DOCK2: variants seen among roughly 807,000 people sequenced by gnomAD.
DOCK2 encodes dedicator of cytokinesis protein 2.
Under a neutral mutation model 248.9 loss-of-function variants are expected in DOCK2, and 87 were observed. That is an observed-to-expected ratio of 0.35 (90% CI 0.29 to 0.42). The LOEUF is 0.42. DOCK2 is among the 10% of genes least tolerant of loss of function. The probability of loss-of-function intolerance (pLI) is 1.00; values close to 1 mark genes in which losing one functional copy is unlikely to be tolerated. For synonymous variants in DOCK2, 805 were observed against 821.6 expected (o/e 0.98, Z 0.35); for missense variants, 1,747 against 2,300.2 (o/e 0.76, Z 4.92).
chr5:170,044,511 C>A (rs1756630767), intron 38 of DOCK2, among the ~76,000 whole-genome samples: 1 of 152,114 alleles, frequency 6.6e-6, no homozygotes, highest in African/African-American at 2.4e-5. Flanking sequence ...TTTCTTTTCC[C>A]TGTTCACATT....
At chr5:169,963,575 C>G (rs1777177082) in intron 27 of DOCK2, among the ~76,000 whole-genome samples, 1 of 152,200 alleles carries the variant, frequency 6.6e-6, no homozygotes, top group Admixed American at 6.5e-5. Flanking sequence ...CCAGCCATCA[C>G]AGGGGCACTT....
At chr5:169,925,467 C>A (rs1314574623) in intron 27 of DOCK2, among the ~76,000 whole-genome samples, 1 of 150,646 alleles carries the variant, frequency 6.6e-6, no homozygotes, top group African/African-American at 2.4e-5. Context: ...GTAATCCCAG[C>A]TACTTGGGAG....
At chr5:169,839,253 G>C (rs392671) in intron 26 of DOCK2, among the ~76,000 whole-genome samples, 42,657 of 151,768 alleles carry the variant, frequency 0.28, 8,098 homozygotes, top group African/African-American at 0.55. Flanking sequence ...AATTGCTGAC[G>C]CTCAGGCTCT....
chr5:169,915,557 A>AACACACACACACAC, intron 27 of DOCK2, among the ~76,000 whole-genome samples: 1 of 143,488 alleles, frequency 7.0e-6, no homozygotes, highest in Admixed American at 7.0e-5. Context: ...ATTGACAGGG[A>AACACACACACACAC]ACACACACAC....
intron 27 of DOCK2, among the ~76,000 whole-genome samples, chr5:169,907,834 G>A (rs879502360): frequency 5.3e-5 from 8 of 152,308 alleles, no homozygotes; most frequent in Admixed American, 1.3e-4. Flanking sequence ...CTGGGAGGGG[G>A]TGCTACTGGC....
intron 27 of DOCK2, among the ~76,000 whole-genome samples, chr5:169,940,026 C>T (rs905721164): frequency 3.9e-5 from 6 of 152,186 alleles, no homozygotes; most frequent in Non-Finnish European, 7.3e-5. Flanking sequence ...CAACACCTCC[C>T]ATTCCCCAGG....
intron 27 of DOCK2, among the ~76,000 whole-genome samples, chr5:169,963,429 T>G (rs151279470): frequency 7.7e-4 from 118 of 152,302 alleles, no homozygotes; most frequent in African/African-American, 2.6e-3. Context: ...CCTGGGGACC[T>G]ATGCTTAGCA....
At chr5:169,767,872 C>T (rs1764877421) in intron 25 of DOCK2, among the ~76,000 whole-genome samples, 1 of 152,146 alleles carries the variant, frequency 6.6e-6, no homozygotes, top group African/African-American at 2.4e-5. Flanking sequence ...ATTTTCATTC[C>T]AGTGAGATCA....
chr5:170,078,982 C>T lies in DOCK2; in HGVS notation c.5002C>T (p.Leu1668=), dbSNP rs377100198. The part of the protein sequence containing the change: ...PSKPTSESFD[L]ELASPKTPRV... ...GCCCCTCTGGCCTTTCAGCTTTGAC[C>T]TGGAATTAGCATCACCCAAGACGCC... The change falls in exon 49 of 52, where the codon CTG becomes TTG. Residue 1668 remains leucine (L), a synonymous_variant. Transcript: ENST00000520908. 1 of 1,614,002 alleles carries T rather than the reference C, an allele frequency of 6.2e-7. No homozygotes were observed. The highest frequency in any genetic ancestry group is 8.5e-7 in the Non-Finnish European group (1 of 1,179,946).
At position 169,674,354 on chromosome 5, in the gene DOCK2, T is replaced by C; in HGVS notation, c.379T>C (p.Trp127Arg). ...GTCCATGATGTACGATCTGATGGAGTGGAGGTCCCAGCTTCTCTCAGGAAC... is the reference window on the plus strand; with the variant it reads ...GTCCATGATGTACGATCTGATGGAGCGGAGGTCCCAGCTTCTCTCAGGAAC... ...VQSMMYDLMEWRSQLLSGTLP... is the reference protein window; with the variant it reads ...VQSMMYDLMERRSQLLSGTLP... Residue 127 changes from tryptophan (W) to arginine (R), a missense_variant, in exon 6 of 52, where the codon TGG (tryptophan) becomes CGG (arginine). By Grantham distance (101) the Trp-to-Arg change is moderately radical. Transcript: ENST00000520908. The C allele has an allele frequency of 6.2e-7, 1 of 1,614,012 alleles. No homozygotes were observed. Among genetic ancestry groups the C allele is most frequent in the Non-Finnish European group, 8.5e-7 (1 of 1,179,970 alleles).
At chr5:169,951,176 G>A (rs1776649950) in intron 27 of DOCK2, among the ~76,000 whole-genome samples, 1 of 152,198 alleles carries the variant, frequency 6.6e-6, no homozygotes, top group African/African-American at 2.4e-5. Context: ...GTCAGGGCAA[G>A]AGAAAAGGGG....
chr5:169,720,126 A>G (rs1373426141), intron 22 of DOCK2, among the ~76,000 whole-genome samples: 1 of 152,180 alleles, frequency 6.6e-6, no homozygotes, highest in African/African-American at 2.4e-5. Flanking sequence ...CTGAAAGTGA[A>G]GTGTCTGTTT....
intron 33 of DOCK2, among the ~76,000 whole-genome samples, chr5:170,020,051 T>A (rs1002007236): frequency 7.2e-5 from 11 of 152,118 alleles, no homozygotes; most frequent in Non-Finnish European, 1.6e-4. Context: ...CCTTTACCCA[T>A]TAATACCCTA....
chr5:169,713,303 T>C (rs1177780114), intron 17 of DOCK2, among the ~76,000 whole-genome samples: 1 of 152,204 alleles, frequency 6.6e-6, no homozygotes, highest in African/African-American at 2.4e-5. Flanking sequence ...AATAACAGTG[T>C]CTGCTTCATA....
At chr5:169,950,353 T>C (rs1216773717) in intron 27 of DOCK2, among the ~76,000 whole-genome samples, 1 of 152,246 alleles carries the variant, frequency 6.6e-6, no homozygotes, top group Non-Finnish European at 1.5e-5. Context: ...AAGCGCTTAG[T>C]GTCTAGCATT....
intron 1 of DOCK2, among the ~76,000 whole-genome samples, chr5:169,652,567 G>C (rs1259901669): frequency 6.6e-6 from 1 of 152,228 alleles, no homozygotes; most frequent in South Asian, 2.1e-4. Context: ...CTGCGAGATA[G>C]GTACTGTTAA....
At chr5:169,915,414 G>A (rs1391765454) in intron 27 of DOCK2, among the ~76,000 whole-genome samples, 1 of 152,086 alleles carries the variant, frequency 6.6e-6, no homozygotes, top group African/African-American at 2.4e-5. Context: ...CCATTTTGCT[G>A]GTGGAAAACT....
chr5:169,833,764 C>T (rs572307139), intron 26 of DOCK2, among the ~76,000 whole-genome samples: 8 of 152,320 alleles, frequency 5.3e-5, no homozygotes, highest in East Asian at 3.9e-4. Flanking sequence ...ACTTTCCTCC[C>T]GTTCATCTCC....
chr5:169,997,176 T>A (rs1754668107), intron 30 of DOCK2, among the ~76,000 whole-genome samples: 1 of 147,650 alleles, frequency 6.8e-6, no homozygotes, highest in South Asian at 2.2e-4. Flanking sequence ...AAGGATTAAG[T>A]GCTGTGCTTT....
Sources: gnomAD v4.1 joint callset for allele counts (sites outside exome capture counted in the v4.1 genomes callset) on GRCh38, gnomAD v4.1.1 for gene constraint, MANE v1.5 for transcripts, NCBI Gene and HGNC (gene_info 2026-07-23, HGNC 2026-07-21) for gene names.